MARK1: variants seen among roughly 807,000 people sequenced by gnomAD.
MARK1 encodes serine/threonine-protein kinase MARK1.
MARK1 carries 40 observed loss-of-function variants against 96.3 expected under a neutral mutation model. The ratio of observed to expected loss-of-function variants is 0.42; its 90% confidence interval spans 0.32 to 0.54. MARK1 has a LOEUF of 0.54. Ranked by LOEUF, MARK1 falls within the 20% of genes least tolerant of loss-of-function variation. The probability of loss-of-function intolerance (pLI) is 0.16; values close to 1 mark genes in which losing one functional copy is unlikely to be tolerated. For missense variants in MARK1, 719 were observed against 984.6 expected (o/e 0.73, Z 3.61); for synonymous variants, 317 against 341.2 (o/e 0.93, Z 0.78).
At chr1:220,548,018 T>C (rs929129341) in intron 1 of MARK1, among the ~76,000 whole-genome samples, 2 of 152,264 alleles carry the variant, frequency 1.3e-5, no homozygotes, top group Non-Finnish European at 2.9e-5. Flanking sequence ...AGCAAGAGTA[T>C]GTCAACAAAA....
At chr1:220,622,262 C>T (rs1667085555) in intron 9 of MARK1, among the ~76,000 whole-genome samples, 1 of 152,032 alleles carries the variant, frequency 6.6e-6, no homozygotes. Flanking sequence ...TTCATTTTTC[C>T]AGTGTTTAAC....
intron 1 of MARK1, among the ~76,000 whole-genome samples, chr1:220,536,397 T>C (rs1303269127): frequency 2.6e-5 from 4 of 151,460 alleles, no homozygotes; most frequent in Non-Finnish European, 4.4e-5. Context: ...ATATTAGTTG[T>C]GGGCTTTTTT....
chr1:220,584,374 C>T (rs781552590), intron 3 of MARK1, among the ~76,000 whole-genome samples: 2 of 152,142 alleles, frequency 1.3e-5, no homozygotes, highest in East Asian at 1.9e-4. Context: ...ATGACTGCTG[C>T]GCTAAAGTTT....
intron 3 of MARK1, among the ~76,000 whole-genome samples, chr1:220,582,055 G>A (rs1432781762): frequency 6.6e-6 from 1 of 152,106 alleles, no homozygotes; most frequent in African/African-American, 2.4e-5. Flanking sequence ...GTTAGTATGT[G>A]TGCTTACATC....
chr1:220,598,761 A>G (rs1174942528), intron 4 of MARK1, among the ~76,000 whole-genome samples: 1 of 152,058 alleles, frequency 6.6e-6, no homozygotes, highest in East Asian at 1.9e-4. Context: ...TGGGAGGCTG[A>G]GGCAGGTGGA....
At chr1:220,661,377 C>G (rs1308497127) in intron 17 of MARK1, among the ~76,000 whole-genome samples, 6 of 152,136 alleles carry the variant, frequency 3.9e-5, no homozygotes, top group Admixed American at 2.0e-4. Context: ...AATTATCTTT[C>G]CCTCTGAAGT....
chr1:220,613,603 AT>A (rs1666578014), intron 6 of MARK1, among the ~76,000 whole-genome samples: 1 of 152,200 alleles, frequency 6.6e-6, no homozygotes, highest in Admixed American at 6.5e-5. Context: ...AAATAATCTT[AT>A]AATATGAACA....
chr1:220,542,585 G>C (rs1159737444), intron 1 of MARK1, among the ~76,000 whole-genome samples: 1 of 152,202 alleles, frequency 6.6e-6, no homozygotes, highest in Non-Finnish European at 1.5e-5. Flanking sequence ...CTCCTGTAGG[G>C]ATTCCTGGGA....
chr1:220,539,273 T>C (rs1202537682), intron 1 of MARK1, among the ~76,000 whole-genome samples: 8 of 152,078 alleles, frequency 5.3e-5, no homozygotes, highest in Admixed American at 4.6e-4. Flanking sequence ...GAGTTTTTAG[T>C]ATGAAGTGTT....
At chr1:220,552,094 A>G (rs1289253780) in intron 1 of MARK1, among the ~76,000 whole-genome samples, 1 of 152,170 alleles carries the variant, frequency 6.6e-6, no homozygotes, top group Non-Finnish European at 1.5e-5. Context: ...TTTTCCCTTG[A>G]TAGTCAGGAT....
chr1:220,586,772 A>G (rs1457949891), intron 3 of MARK1, among the ~76,000 whole-genome samples: 1 of 152,206 alleles, frequency 6.6e-6, no homozygotes, highest in African/African-American at 2.4e-5. Context: ...GTTTAGACTA[A>G]CTATCTGGCT....
Position 220,632,229 on chromosome 1 carries a change from A to C in MARK1, c.1038A>C (p.Arg346=). 6.5e-7 allele frequency: 1 copy of C among 1,535,860 alleles called. No individual in the cohort carries two copies. The highest frequency in any genetic ancestry group is 8.8e-7 in the Non-Finnish European group (1 of 1,139,992). ...IDIMVTMGFA[R]DEINDALINQ... ...TTATGGTCACCATGGGCTTTGCACG[A>C]GATGAAATAAATGATGCCTTAATAA... is the stretch of plus-strand genomic sequence containing the variant. The change falls in exon 11 of 18, where the codon CGA becomes CGC. Residue 346 remains arginine (R), a synonymous_variant. Coordinates refer to ENST00000366917, the MANE Select transcript of MARK1 (RefSeq NM_018650.5).
At chr1:220,590,792 A>G (rs997688476) in intron 3 of MARK1, among the ~76,000 whole-genome samples, 14 of 152,052 alleles carry the variant, frequency 9.2e-5, no homozygotes, top group African/African-American at 3.4e-4. Flanking sequence ...CACACACCCA[A>G]ACCCACGCAC....
At chr1:220,585,772 C>G (rs1664557318) in intron 3 of MARK1, among the ~76,000 whole-genome samples, 1 of 152,158 alleles carries the variant, frequency 6.6e-6, no homozygotes. Context: ...AGTAATCACT[C>G]TGAATGTCTT....
chr1:220,584,003 G>A (rs1343858682), intron 3 of MARK1, among the ~76,000 whole-genome samples: 1 of 151,576 alleles, frequency 6.6e-6, no homozygotes, highest in Non-Finnish European at 1.5e-5. Context: ...AATGTTGAAG[G>A]AAAAGCAAGA....
At chr1:220,534,771 G>A (rs1448745684) in intron 1 of MARK1, among the ~76,000 whole-genome samples, 1 of 152,084 alleles carries the variant, frequency 6.6e-6, no homozygotes, top group African/African-American at 2.4e-5. Context: ...ATGGGATCAT[G>A]TAACATTTAT....
Position 220,662,040 on chromosome 1 carries a change from G to A in MARK1, c.2262G>A (p.Gln754=). Residue 754 remains glutamine (Q), a synonymous_variant, in exon 18 of 18, where the codon CAG becomes CAA. Transcript: ENST00000366917. ...HGDARQDSLV[Q]WEMEVCKLPR... is the part of the protein sequence containing the mutation. The stretch of plus-strand genomic sequence containing the variant: ...ACGCTAGACAGGATAGCCTCGTGCA[G>A]TGGGAGATGGAAGTCTGCAAGTTGC... 6.2e-7 allele frequency: 1 copy of A among 1,614,210 alleles called. No individual in the cohort carries two copies. The highest frequency in any genetic ancestry group is 8.5e-7 in the Non-Finnish European group (1 of 1,180,024).
chr1:220,626,920 T>C, intron 9 of MARK1: 1 of 494,124 alleles, frequency 2.0e-6, no homozygotes, highest in Non-Finnish European at 4.0e-6. Context: ...TGGTTCCAAT[T>C]TGTAATGTTG....
intron 13 of MARK1, among the ~76,000 whole-genome samples, chr1:220,637,722 AAG>A (rs968270172): frequency 1.3e-5 from 2 of 152,036 alleles, no homozygotes; most frequent in Non-Finnish European, 2.9e-5. Flanking sequence ...CATTAGCAGT[AAG>A]CAGCAAACAT....
Sources: allele counts gnomAD v4.1 joint callset (sites outside exome capture counted in the v4.1 genomes callset), GRCh38; gene constraint gnomAD v4.1.1; transcripts MANE v1.5; gene names NCBI Gene and HGNC (gene_info 2026-07-23, HGNC 2026-07-21).